Variants in RBFOX1 observed in about 807,000 individuals in gnomAD.
RBFOX1 encodes the protein RNA binding protein fox-1 homolog 1.
RBFOX1 carries 8 observed loss-of-function variants against 57.7 expected under a neutral mutation model. That is an observed-to-expected ratio of 0.14 (90% confidence interval 0.08 to 0.25). RBFOX1 has a LOEUF of 0.25. Among genes scored for constraint, RBFOX1 ranks in the 10% least tolerant of loss-of-function variants. The probability of loss-of-function intolerance (pLI) is 1.00; values close to 1 mark genes in which losing one functional copy is unlikely to be tolerated. For missense variants in RBFOX1, 611 were observed against 548.5 expected (o/e 1.11, Z -1.14); for synonymous variants, 326 against 222.4 (o/e 1.47, Z -4.15).
At chr16:7,090,947 G>C (rs957856912) in intron 4 of RBFOX1, among the ~76,000 whole-genome samples, 1 of 152,184 alleles carries the variant, frequency 6.6e-6, no homozygotes, top group Non-Finnish European at 1.5e-5. Context: ...GCCAGGATTA[G>C]AGGTTCTTTG....
At chr16:7,622,690 A>G (rs951919781) in intron 10 of RBFOX1, among the ~76,000 whole-genome samples, 7 of 152,180 alleles carry the variant, frequency 4.6e-5, no homozygotes, top group Admixed American at 2.6e-4. Flanking sequence ...TATTTACACT[A>G]TAGACAGATG....
intron 3 of RBFOX1, among the ~76,000 whole-genome samples, chr16:5,739,484 G>A (rs968493704): frequency 6.6e-6 from 1 of 152,236 alleles, no homozygotes; most frequent in African/African-American, 2.4e-5. Flanking sequence ...ATGTTCGGGA[G>A]AAAAGAAAGC....
intron 4 of RBFOX1, among the ~76,000 whole-genome samples, chr16:5,979,301 G>A (rs751531827): frequency 7.6e-4 from 115 of 152,180 alleles, no homozygotes; most frequent in Non-Finnish European, 8.5e-4. Flanking sequence ...GATGTGAAAT[G>A]TATGTTTCTG....
chr16:6,058,371 G>C (rs1367792291), intron 1 of RBFOX1, among the ~76,000 whole-genome samples: 1 of 147,894 alleles, frequency 6.8e-6, no homozygotes, highest in Non-Finnish European at 1.5e-5. Context: ...AGATGTGAAT[G>C]TGTTAAAGAT....
intron 2 of RBFOX1, among the ~76,000 whole-genome samples, chr16:6,480,463 G>C (rs2095355834): frequency 6.6e-6 from 1 of 152,124 alleles, no homozygotes; most frequent in South Asian, 2.1e-4. Context: ...GCTGAAATTT[G>C]AATTTCCTAC....
At chr16:6,620,096 A>T (rs746863237) in intron 2 of RBFOX1, among the ~76,000 whole-genome samples, 1 of 152,076 alleles carries the variant, frequency 6.6e-6, no homozygotes, top group Non-Finnish European at 1.5e-5. Context: ...CATTTTCTTT[A>T]TCCAGTCTAT....
intron 14 of RBFOX1, among the ~76,000 whole-genome samples, chr16:7,699,604 G>T (rs896433710): frequency 1.3e-5 from 2 of 152,154 alleles, no homozygotes; most frequent in Admixed American, 6.5e-5. Flanking sequence ...AGGATGAGTT[G>T]TAAGTAAAAA....
intron 2 of RBFOX1, among the ~76,000 whole-genome samples, chr16:5,598,050 A>C (rs994895643): frequency 1.3e-5 from 2 of 152,016 alleles, no homozygotes; most frequent in Non-Finnish European, 2.9e-5. Flanking sequence ...TAATGTTAGT[A>C]CTTTGGGAGG....
chr16:6,762,964 A>G (rs1210966336), intron 3 of RBFOX1, among the ~76,000 whole-genome samples: 3 of 152,192 alleles, frequency 2.0e-5, no homozygotes, highest in African/African-American at 7.2e-5. Context: ...CCAAATGAAG[A>G]TAGAGGAATA....
rs564068080 is a variant in RBFOX1 at position 7,502,991 on chromosome 16, C to T, written c.28-15156C>T. Among the ~76,000 whole-genome samples the T allele has an allele frequency of 1.1e-4, 16 of 152,146 alleles. No individual in the cohort carries two copies. In the South Asian group the frequency reaches 3.3e-3, roughly 32 times the overall value. ...TGAGCTGAGGTCACACCACTGCACT[C>T]CAGCCTGGGTGACAGAGCAAGACTC... is the stretch of plus-strand genomic sequence containing the variant. On this transcript the variant is annotated intron_variant, in intron 4 of 15. Coordinates refer to ENST00000550418, the MANE Select transcript of RBFOX1 (RefSeq NM_018723.4).
chr16:7,605,729 T>G (rs1050711499), intron 9 of RBFOX1, among the ~76,000 whole-genome samples: 1 of 152,182 alleles, frequency 6.6e-6, no homozygotes, highest in African/African-American at 2.4e-5. Flanking sequence ...CATTCAAACT[T>G]TAATCATTGC....
intron 4 of RBFOX1, among the ~76,000 whole-genome samples, chr16:7,350,473 C>G (rs189028035): frequency 3.3e-5 from 5 of 152,268 alleles, no homozygotes; most frequent in Admixed American, 3.3e-4. Flanking sequence ...AGATTTTGAT[C>G]TAGGGGAAAT....
At chr16:6,251,403 A>T (rs1236709791) in intron 1 of RBFOX1, among the ~76,000 whole-genome samples, 1 of 152,134 alleles carries the variant, frequency 6.6e-6, no homozygotes, top group Non-Finnish European at 1.5e-5. Flanking sequence ...TCACACAGTC[A>T]GTGTGTGGAG....
At chr16:5,655,288 T>G (rs2049388450) in intron 3 of RBFOX1, among the ~76,000 whole-genome samples, 1 of 152,170 alleles carries the variant, frequency 6.6e-6, no homozygotes. Flanking sequence ...TTTTTTTGAG[T>G]GTGGACTTGA....
At chr16:6,091,389 A>C (rs1272130847) in intron 1 of RBFOX1, among the ~76,000 whole-genome samples, 2 of 151,442 alleles carry the variant, frequency 1.3e-5, no homozygotes, top group African/African-American at 4.9e-5. Flanking sequence ...CTCTCAACAC[A>C]CTCTTATTTC....
intron 1 of RBFOX1, among the ~76,000 whole-genome samples, chr16:5,308,280 T>C (rs994927970): frequency 2.6e-5 from 4 of 151,784 alleles, no homozygotes; most frequent in Admixed American, 2.6e-4. Flanking sequence ...TGAACTGAGA[T>C]TGCGCCACTA....
rs1178366526 is a variant in RBFOX1, at chr16:5,455,025, C to CTTTCTTTCTTTCTTTCTT, written c.220-12190_220-12189insTTCTTTCTTTCTTTCTTT. Among the ~76,000 whole-genome samples the CTTTCTTTCTTTCTTTCTT allele has an allele frequency of 5.9e-4, 47 of 79,450 alleles. 1 individual carries two copies. Among genetic ancestry groups the CTTTCTTTCTTTCTTTCTT allele is most frequent in the Admixed American group, 1.1e-3 (7 of 6,636 alleles). The allele number at this position is 79,450 out of a possible 152,430, so 52.1% of individuals were successfully genotyped here. ...TTTCTTTCTTTCTTTCTTTCTTTCT[C>CTTTCTTTCTTTCTTTCTT]TCTCTCTGTCTGTCTCTCTTTCTTT... On this transcript the variant is annotated intron_variant, in intron 1 of 2. Transcript: ENST00000585867.
chr16:6,383,128 G>T (rs2091962672), intron 2 of RBFOX1, among the ~76,000 whole-genome samples: 2 of 152,304 alleles, frequency 1.3e-5, no homozygotes, highest in South Asian at 4.1e-4. Context: ...CAAAAAAAGG[G>T]TATACTATGG....
chr16:6,988,476 G>A (rs1423284303), intron 3 of RBFOX1, among the ~76,000 whole-genome samples: 2 of 152,124 alleles, frequency 1.3e-5, no homozygotes, highest in African/African-American at 2.4e-5. Flanking sequence ...ATTGCCTGTT[G>A]TGATAACATA....
Sources: allele counts gnomAD v4.1 joint callset (sites outside exome capture counted in the v4.1 genomes callset), GRCh38; gene constraint gnomAD v4.1.1; transcripts MANE v1.5; gene names NCBI Gene and HGNC (gene_info 2026-07-23, HGNC 2026-07-21).